GPR158: variants seen among roughly 807,000 people sequenced by gnomAD.
GPR158 encodes metabotropic glycine receptor.
GPR158 carries 30 observed loss-of-function variants against 78.2 expected under a neutral mutation model. That is an observed-to-expected ratio of 0.38 (90% confidence interval 0.29 to 0.52). The LOEUF is 0.52. Among genes scored for constraint, GPR158 ranks in the 20% least tolerant of loss-of-function variants. The probability of loss-of-function intolerance (pLI) is 0.83; values close to 1 mark genes in which losing one functional copy is unlikely to be tolerated. For synonymous variants in GPR158, 581 were observed against 591.1 expected (o/e 0.98, Z 0.25); for missense variants, 1,463 against 1,523.5 (o/e 0.96, Z 0.66).
chr10:25,433,425 T>C (rs1466842705), intron 4 of GPR158, among the ~76,000 whole-genome samples: 1 of 152,168 alleles, frequency 6.6e-6, no homozygotes, highest in Admixed American at 6.5e-5. Context: ...TTAATGGTTT[T>C]ATATGTTCCT....
intron 6 of GPR158, among the ~76,000 whole-genome samples, chr10:25,565,515 T>C (rs1364658385): frequency 1.3e-5 from 2 of 152,202 alleles, no homozygotes; most frequent in Non-Finnish European, 2.9e-5. Context: ...ATTCCTGTTG[T>C]GCTTTTAAAA....
intron 5 of GPR158, among the ~76,000 whole-genome samples, chr10:25,543,967 C>T (rs1295070393): frequency 3.9e-5 from 6 of 152,116 alleles, no homozygotes; most frequent in African/African-American, 1.2e-4. Context: ...AGAAACAAAC[C>T]TCTAGGCAAA....
At chr10:25,188,458 G>C (rs976712108) in intron 1 of GPR158, among the ~76,000 whole-genome samples, 4 of 152,136 alleles carry the variant, frequency 2.6e-5, no homozygotes, top group African/African-American at 4.8e-5. Flanking sequence ...GAACAGAACA[G>C]AGCCCTCAGA....
At position 25,176,508 on chromosome 10, in the gene GPR158, CGCCCGTCAGCT is replaced by C. The variant is rs898293705; in HGVS notation, c.902+187_902+197del. 6.6e-5 allele frequency among the ~76,000 whole-genome samples: 10 copies of C among 152,216 alleles called. No individual in the cohort carries two copies. Among genetic ancestry groups the C allele is most frequent in the African/African-American group, 2.4e-4 (10 of 41,462 alleles). On this transcript the variant is annotated intron_variant, in intron 1 of 10. Transcript: ENST00000376351. This position sits in a 1 kb window ranked among gnomAD's most constrained non-coding sequence, Gnocchi z 6.3. Reference sequence around the variant, plus strand: ...GTGCTTGGGGGCAAGAAGCGCCCCACGCCCGTCAGCTTCCGGCGCTCGGCGAAAGCCATTCA... The same window carrying C: ...GTGCTTGGGGGCAAGAAGCGCCCCACTCCGGCGCTCGGCGAAAGCCATTCA...
chr10:25,213,262 T>C (rs759365250), intron 1 of GPR158, among the ~76,000 whole-genome samples: 2 of 152,174 alleles, frequency 1.3e-5, no homozygotes, highest in Non-Finnish European at 2.9e-5. Context: ...TAAAAAAAAC[T>C]TCTCCCGTAA....
At chr10:25,505,607 C>T (rs139358489) in intron 5 of GPR158, among the ~76,000 whole-genome samples, 2 of 152,276 alleles carry the variant, frequency 1.3e-5, no homozygotes, top group Non-Finnish European at 2.9e-5. Flanking sequence ...TCTTATCAAC[C>T]GTATGATGAA....
chr10:25,508,215 G>T (rs1836039621), intron 5 of GPR158, among the ~76,000 whole-genome samples: 1 of 152,082 alleles, frequency 6.6e-6, no homozygotes, highest in Non-Finnish European at 1.5e-5. Flanking sequence ...GAAGGAAAAG[G>T]AGAACACTTT....
At chr10:25,329,442 A>T (rs894811903) in intron 2 of GPR158, among the ~76,000 whole-genome samples, 1 of 151,620 alleles carries the variant, frequency 6.6e-6, no homozygotes. Flanking sequence ...TCCGTTTCAA[A>T]AAAAAAAAAA....
chr10:25,294,082 CT>C (rs1454119148), intron 2 of GPR158, among the ~76,000 whole-genome samples: 5 of 152,118 alleles, frequency 3.3e-5, no homozygotes, highest in African/African-American at 1.2e-4. Context: ...TGCAGGTTTA[CT>C]TACAAATAAA....
chr10:25,563,573 G>A (rs1324144773), intron 6 of GPR158, among the ~76,000 whole-genome samples: 1 of 151,936 alleles, frequency 6.6e-6, no homozygotes, highest in Non-Finnish European at 1.5e-5. Context: ...TTCCCTTCTT[G>A]TTTATTTTAC....
chr10:25,252,046 C>G (rs905961309), intron 2 of GPR158, among the ~76,000 whole-genome samples: 3,470 of 151,770 alleles, frequency 0.023, 140 homozygotes, highest in African/African-American at 0.08. Context: ...CTTCCCTTCT[C>G]GCTTCATTTC....
intron 5 of GPR158, among the ~76,000 whole-genome samples, chr10:25,475,155 T>A (rs1184660977): frequency 6.6e-6 from 1 of 152,068 alleles, no homozygotes; most frequent in Non-Finnish European, 1.5e-5. Context: ...GAGATTCAAT[T>A]TTAAAAGATA....
At chr10:25,393,468 A>G (rs911591613) in intron 2 of GPR158, 3 of 152,318 alleles carry the variant, frequency 2.0e-5, no homozygotes, top group Non-Finnish European at 4.4e-5. Context: ...TCCACATGCT[A>G]TATTCGTAGT....
At chr10:25,300,801 A>C (rs901214034) in intron 2 of GPR158, among the ~76,000 whole-genome samples, 1 of 152,132 alleles carries the variant, frequency 6.6e-6, no homozygotes, top group African/African-American at 2.4e-5. Context: ...GATGCAAAGA[A>C]ATAGAAACAT....
At chr10:25,353,920 A>T (rs1405084916) in intron 2 of GPR158, among the ~76,000 whole-genome samples, 1 of 151,592 alleles carries the variant, frequency 6.6e-6, no homozygotes, top group Middle Eastern at 3.2e-3. Flanking sequence ...CTTCCTTTTT[A>T]TTGTCTTCTT....
At chr10:25,399,011 G>A (rs1834405265) in intron 3 of GPR158, among the ~76,000 whole-genome samples, 1 of 152,174 alleles carries the variant, frequency 6.6e-6, no homozygotes, top group Non-Finnish European at 1.5e-5. Context: ...ATGCTGTTAT[G>A]AAGAAATAGT....
At chr10:25,218,644 C>CCAAAATGTAG (rs1853252661) in intron 1 of GPR158, among the ~76,000 whole-genome samples, 1 of 152,056 alleles carries the variant, frequency 6.6e-6, no homozygotes, top group Non-Finnish European at 1.5e-5. Context: ...AGAAAGATAA[C>CCAAAATGTAG]CAAAATGTAG....
chr10:25,270,934 C>A (rs1354148979), intron 2 of GPR158, among the ~76,000 whole-genome samples: 2 of 152,160 alleles, frequency 1.3e-5, no homozygotes, highest in Admixed American at 6.5e-5. Context: ...AGGATAAAGT[C>A]TAAATCCTTA....
intron 2 of GPR158, among the ~76,000 whole-genome samples, chr10:25,383,743 C>T (rs1157439568): frequency 2.6e-5 from 4 of 151,888 alleles, no homozygotes; most frequent in African/African-American, 9.7e-5. Flanking sequence ...TGCCTGAAAC[C>T]AAGAAGAATA....
Sources: gnomAD v4.1 joint callset for allele counts (sites outside exome capture counted in the v4.1 genomes callset) on GRCh38, gnomAD v4.1.1 for gene constraint, Gnocchi (gnomAD v3.1) non-coding constraint, MANE v1.5 for transcripts, NCBI Gene and HGNC (gene_info 2026-07-23, HGNC 2026-07-21) for gene names.